The following SHISA6 variants were observed in gnomAD, a reference collection of about 807,000 sequenced individuals.
SHISA6 encodes shisa family member 6, also known as protein shisa-6.
SHISA6 carries 22 observed loss-of-function variants against 47.9 expected under a neutral mutation model. That is an observed-to-expected ratio of 0.46 (90% CI 0.33 to 0.66). The LOEUF is 0.66. Among genes scored for constraint, SHISA6 ranks in the 30% least tolerant of loss-of-function variants. SHISA6 has a pLI of 0.02. For missense variants in SHISA6, 680 were observed against 764.6 expected (o/e 0.89, Z 1.30); for synonymous variants, 388 against 337.8 (o/e 1.15, Z -1.63).
At chr17:11,419,943 C>T (rs1267382844) in intron 3 of SHISA6, among the ~76,000 whole-genome samples, 2 of 152,194 alleles carry the variant, frequency 1.3e-5, no homozygotes, top group Non-Finnish European at 2.9e-5. Context: ...GTGGCCCACA[C>T]CTGTAATCCC....
At chr17:11,277,026 C>A (rs1283456825) in intron 2 of SHISA6, among the ~76,000 whole-genome samples, 1 of 152,094 alleles carries the variant, frequency 6.6e-6, no homozygotes, top group Non-Finnish European at 1.5e-5. Context: ...ATTCCAAGGA[C>A]TTTTGGCCAG....
At chr17:11,302,707 G>A (rs1330949589) in intron 2 of SHISA6, among the ~76,000 whole-genome samples, 1 of 152,204 alleles carries the variant, frequency 6.6e-6, no homozygotes, top group African/African-American at 2.4e-5. Context: ...TCCTGCTTAG[G>A]TCCTAGCAGG....
rs559598911 is a variant in SHISA6 at position 11,301,138 on chromosome 17, C to T, written c.799+37612C>T. On this transcript the variant is annotated intron_variant, in intron 2 of 5. Transcript: ENST00000441885. ...AGAGCCTCTCTGCCTGTGCTGAGCC[C>T]GGTAGCAGACCCCTTTAATGCAGCT... Among the ~76,000 whole-genome samples, 23 of 152,170 alleles carry T rather than the reference C, an allele frequency of 1.5e-4. No individual in the cohort carries two copies. In the East Asian group the frequency reaches 2.5e-3, roughly 17 times the overall value.
At chr17:11,483,835 A>C (rs7219209) in intron 3 of SHISA6, among the ~76,000 whole-genome samples, 53,956 of 152,060 alleles carry the variant, frequency 0.35, 9,999 homozygotes, top group African/African-American at 0.46. Context: ...GTGCGCCTGT[A>C]ATCCCAGCTA....
chr17:11,524,792 C>G (rs1325408736), intron 3 of SHISA6, among the ~76,000 whole-genome samples: 2 of 152,238 alleles, frequency 1.3e-5, no homozygotes, highest in Non-Finnish European at 2.9e-5. Flanking sequence ...AGCCACTGCG[C>G]CCGGTCTATT....
intron 2 of SHISA6, among the ~76,000 whole-genome samples, chr17:11,284,866 C>T (rs1909243289): frequency 1.3e-5 from 2 of 152,206 alleles, no homozygotes; most frequent in Non-Finnish European, 2.9e-5. Flanking sequence ...AACCCAGATC[C>T]TCCTTGTCCA....
intron 2 of SHISA6, among the ~76,000 whole-genome samples, chr17:11,291,156 G>A (rs1015187809): frequency 6.6e-6 from 1 of 152,116 alleles, no homozygotes; most frequent in Non-Finnish European, 1.5e-5. Context: ...CCCTTAGGGA[G>A]TGAGAGTTCG....
intron 1 of SHISA6, among the ~76,000 whole-genome samples, chr17:11,247,516 C>A (rs1416245638): frequency 2.0e-5 from 3 of 152,150 alleles, no homozygotes; most frequent in South Asian, 4.1e-4. Context: ...TTTTGTCTTA[C>A]AATTTTGCTC....
chr17:11,461,046 A>G lies in SHISA6; in HGVS notation c.895+81537A>G, dbSNP rs559043049. On this transcript the variant is annotated intron_variant, in intron 3 of 5. Transcript: ENST00000441885. The stretch of plus-strand genomic sequence containing the variant: ...TTCCTGAGGAATTACTAGTATGTAC[A>G]AAGAGTGTGTGTTGAATCTGTTAAA... Among the ~76,000 whole-genome samples, 8 of 152,344 alleles carry G rather than the reference A, an allele frequency of 5.3e-5. No homozygotes were observed. The East Asian group carries it at 1.5e-3, about 29-fold the overall frequency.
intron 3 of SHISA6, among the ~76,000 whole-genome samples, chr17:11,401,717 C>T (rs1220684105): frequency 6.6e-6 from 1 of 152,146 alleles, no homozygotes; most frequent in Non-Finnish European, 1.5e-5. Context: ...TATGGACAAT[C>T]CTTTAAAGCA....
intron 3 of SHISA6, among the ~76,000 whole-genome samples, chr17:11,460,484 C>T (rs1285987284): frequency 2.6e-5 from 4 of 152,164 alleles, no homozygotes; most frequent in South Asian, 2.1e-4. Context: ...CTCCACCTCC[C>T]GGGTGCAAGC....
intron 3 of SHISA6, among the ~76,000 whole-genome samples, chr17:11,452,364 T>C (rs952379077): frequency 2.0e-5 from 3 of 152,168 alleles, no homozygotes; most frequent in Non-Finnish European, 4.4e-5. Context: ...GCAAACACCA[T>C]ACATGTAAGC....
intron 1 of SHISA6, among the ~76,000 whole-genome samples, chr17:11,259,830 A>G (rs1482658841): frequency 1.3e-5 from 2 of 152,218 alleles, no homozygotes; most frequent in African/African-American, 4.8e-5. Context: ...ATTTGTAGGA[A>G]GTGAAATGTA....
intron 3 of SHISA6, among the ~76,000 whole-genome samples, chr17:11,499,683 C>CTTTCTTTCTT (rs1453364830): frequency 3.9e-4 from 50 of 127,536 alleles, no homozygotes; most frequent in Middle Eastern, 4.4e-3. Flanking sequence ...CTTTTTCTTT[C>CTTTCTTTCTT]TTTTTTTTTT....
chr17:11,470,071 T>A (rs953094891), intron 3 of SHISA6, among the ~76,000 whole-genome samples: 2 of 152,180 alleles, frequency 1.3e-5, no homozygotes, highest in Non-Finnish European at 2.9e-5. Context: ...AGTTGCCTTC[T>A]GCAACCCAAG....
At position 11,492,922 on chromosome 17, in the gene SHISA6, C is replaced by T. The variant is rs143988960; in HGVS notation, c.896-58974C>T. 1.4e-3 allele frequency among the ~76,000 whole-genome samples: 209 copies of T among 152,338 alleles called. 1 individual carries two copies. The highest frequency in any genetic ancestry group is 4.8e-3 in the African/African-American group (201 of 41,580). Reference sequence around the variant, plus strand: ...TCCTCTCTTCCCCTCCCCTGTCCCACAGTCTGTCTGTCCTGCCAGCCTGGA... The same window carrying T: ...TCCTCTCTTCCCCTCCCCTGTCCCATAGTCTGTCTGTCCTGCCAGCCTGGA... On this transcript the variant is annotated intron_variant, in intron 3 of 5. Coordinates refer to ENST00000441885, the MANE Select transcript of SHISA6 (RefSeq NM_207386.4).
chr17:11,375,342 G>C (rs1912765007), intron 2 of SHISA6, among the ~76,000 whole-genome samples: 1 of 151,710 alleles, frequency 6.6e-6, no homozygotes, highest in Non-Finnish European at 1.5e-5. Flanking sequence ...TTATCTCTTT[G>C]TCCTTCCCCT....
intron 3 of SHISA6, among the ~76,000 whole-genome samples, chr17:11,388,734 G>A (rs906792591): frequency 3.7e-5 from 5 of 135,422 alleles, no homozygotes; most frequent in Admixed American, 7.8e-5. Flanking sequence ...AAGTAAAGAT[G>A]GGCCTGTAGG....
rs1050695333 is a variant in SHISA6, at chr17:11,508,438, C to T, written c.896-43458C>T. On this transcript the variant is annotated intron_variant, in intron 3 of 5. Transcript: ENST00000441885. Reference sequence around the variant, plus strand: ...AAGAGGAGCCCTCATAGCCTAATCACCTCTTAAAGGACCTACCACTTCATA... The same window carrying T: ...AAGAGGAGCCCTCATAGCCTAATCATCTCTTAAAGGACCTACCACTTCATA... Among the ~76,000 whole-genome samples, 5 of 94,732 alleles carry T rather than the reference C, an allele frequency of 5.3e-5. 1 individual carries two copies. Among genetic ancestry groups the T allele is most frequent in the Non-Finnish European group, 1.1e-4 (5 of 43,662 alleles). The allele number at this position is 94,732 out of a possible 152,430, so 62.1% of individuals were successfully genotyped here.
Sources: allele counts gnomAD v4.1 joint callset (sites outside exome capture counted in the v4.1 genomes callset), GRCh38; gene constraint gnomAD v4.1.1; transcripts MANE v1.5; gene names NCBI Gene and HGNC (gene_info 2026-07-23, HGNC 2026-07-21).